CDK16: variants seen among roughly 807,000 people sequenced by gnomAD.
CDK16 encodes the protein cyclin-dependent kinase 16.
CDK16 carries 2 observed loss-of-function variants against 41.6 expected under a neutral mutation model. The observed-to-expected ratio is 0.05, with a 90% CI of 0.02 to 0.15. The LOEUF (loss-of-function observed/expected upper bound fraction) is 0.15. CDK16 is among the 10% of genes least tolerant of loss of function. The probability of loss-of-function intolerance (pLI) is 1.00; values close to 1 mark genes in which losing one functional copy is unlikely to be tolerated. For missense variants in CDK16, 228 were observed against 428.9 expected, an observed-to-expected ratio of 0.53 and a Z score of 4.14; for synonymous variants, 169 against 169.7, an observed-to-expected ratio of 1.00 and a Z score of 0.03.
At chrX:47,221,520 C>T (rs147728809) in intron 1 of CDK16, among the ~76,000 whole-genome samples, 254 of 111,023 alleles carry the variant, frequency 2.3e-3, no homozygotes, top group African/African-American at 7.3e-3. Context: ...AGTTAGAGGT[C>T]GTGGACCCAT....
Position 47,226,305 on chromosome X carries a change from C to T in CDK16, c.819C>T (p.Gly273=), listed in dbSNP as rs757336631. 4.1e-6 allele frequency: 5 copies of T among 1,208,555 alleles called. No individual in the cohort carries two copies. Among genetic ancestry groups the T allele is most frequent in the Non-Finnish European group, 5.6e-6 (5 of 894,610 alleles). The change falls in exon 9 of 16, where the codon GGC becomes GGT. Residue 273 remains glycine (G), a synonymous_variant. Coordinates refer to ENST00000357227, the MANE Select transcript of CDK16 (RefSeq NM_006201.5). The part of the protein sequence containing the change: ...VKLFLFQLLR[G]LAYCHRQKVL... Reference sequence around the variant, plus strand: ...TGTTCCTGTTCCAGCTGCTCCGTGGCCTGGCCTACTGCCACCGGCAGAAGG... The same window carrying T: ...TGTTCCTGTTCCAGCTGCTCCGTGGTCTGGCCTACTGCCACCGGCAGAAGG...
chrX:47,219,071 C>T lies in CDK16; in HGVS notation c.-41C>T. 2 of 819,037 alleles carry T rather than the reference C, an allele frequency of 2.4e-6. No homozygotes were observed. Among genetic ancestry groups the T allele is most frequent in the South Asian group, 3.9e-5 (1 of 25,405 alleles). The allele number at this position is 819,037 out of a possible 1,213,427, so 67.5% of individuals were successfully genotyped here. A position where few individuals can be genotyped will look rare whatever the true frequency, so the allele number is the denominator to read the frequency against. On this transcript the variant is annotated 5_prime_UTR_variant, in exon 1 of 16. Coordinates refer to ENST00000357227, the MANE Select transcript of CDK16 (RefSeq NM_006201.5). ...CCGCCCCAGGCGCCGCCGCGCCGGC[C>T]CCGCGGCTCTGAGGTTGCTCGCGCG...
chrX:47,228,960 T>TG lies in CDK16; in HGVS notation c.*195dup. On this transcript the variant is annotated 3_prime_UTR_variant, in exon 16 of 16. Coordinates refer to ENST00000357227, the MANE Select transcript of CDK16 (RefSeq NM_006201.5). ...TCAACCCACCCATTGGCCTGTCTGC[T>TG]GGGTGCTAACAAAGCTCTCATCACT... 4 of 511,838 alleles carry TG rather than the reference T, an allele frequency of 7.8e-6. No individual in the cohort carries two copies. In the East Asian group the frequency reaches 1.4e-4, roughly 19 times the overall value. The allele number at this position is 511,838 out of a possible 1,213,427, so 42.2% of individuals were successfully genotyped here.
At chrX:47,223,917 G>A (rs186090617) in intron 2 of CDK16, among the ~76,000 whole-genome samples, 158 bp downstream of exon 2, 5 of 107,840 alleles carry the variant, frequency 4.6e-5, no homozygotes, top group East Asian at 2.9e-4. Flanking sequence ...TCTCAACACC[G>A]TCTGTCTATC....
Position 47,228,757 on chromosome X carries a change from ACCGAGTTCTAAG to A in CDK16, c.1483_*3del. The A allele has an allele frequency of 8.3e-7, 1 of 1,209,778 alleles. No individual in the cohort carries two copies. The highest frequency in any genetic ancestry group is 1.1e-6 in the Non-Finnish European group (1 of 894,462). On this transcript the variant is annotated stop_lost and 3_prime_UTR_variant, in exon 16 of 16. Coordinates refer to ENST00000357227, the MANE Select transcript of CDK16 (RefSeq NM_006201.5). ...CAGGCCAGCTTTCCGCGTGGTGGAC[ACCGAGTTCTAAG>A]CCACAGACCGAGGCCCCAGCAGGCA...
intron 1 of CDK16, chrX:47,222,898 C>T: frequency 4.7e-6 from 2 of 422,182 alleles, no homozygotes; most frequent in South Asian, 7.2e-5. Context: ...CCCCCCCGCC[C>T]TCCACACAAT....
In CDK16 at chrX:47,226,692, G is replaced by T. The variant is rs756045986; in HGVS notation, c.1026G>T (p.Gln342His). The change falls in exon 10 of 16, where the codon CAG becomes CAT. Residue 342 changes from glutamine to histidine, a missense_variant. Around this residue, in one of 3 missense-constraint regions of CDK16, gnomAD observed 66 missense variants for 197.2 expected, o/e 0.33. Transcript: ENST00000357227. ...TTGGGTCCACGGACTACTCCACTCA[G>T]ATTGACATGTGGTAAGGACAGGTGG... Reference protein sequence around the residue: ...ILLGSTDYSTQIDMWGVGCIF... With the variant: ...ILLGSTDYSTHIDMWGVGCIF... 1 of 1,209,318 alleles carries T rather than the reference G, an allele frequency of 8.3e-7. No individual in the cohort carries two copies. The highest frequency in any genetic ancestry group is 1.7e-5 in the African/African-American group (1 of 57,409).
intron 6 of CDK16, among the ~76,000 whole-genome samples, 165 bp from the exon 7 acceptor site, chrX:47,225,607 T>G (rs1937528607): frequency 9.0e-6 from 1 of 111,635 alleles, no homozygotes; most frequent in South Asian, 3.7e-4. Flanking sequence ...CACAACTTTC[T>G]TCTGGCATGA....
rs1602668849 is a variant in CDK16, at chrX:47,218,743, G to A, written c.-369G>A. The A allele has an allele frequency of 1.0e-5, 12 of 1,160,549 alleles. No individual in the cohort carries two copies. In the East Asian group the frequency reaches 3.9e-4, roughly 38 times the overall value. The stretch of plus-strand genomic sequence containing the variant: ...GGAGCGCGGCGCGCGCGGCGGTTGG[G>A]CCGTTGGCTGTTCGGCCCTGGGATC... On this transcript the variant is annotated 5_prime_UTR_variant, in exon 1 of 16. Transcript: ENST00000357227.
At position 47,218,783 on chromosome X, in the gene CDK16, G is replaced by A; in HGVS notation, c.-329G>A. 1 of 1,153,943 alleles carries A rather than the reference G, an allele frequency of 8.7e-7. No individual in the cohort carries two copies. The highest frequency in any genetic ancestry group is 1.8e-5 in the African/African-American group (1 of 56,060). The stretch of plus-strand genomic sequence containing the variant: ...GCCCTGGGATCCGCCGCCACTCCGC[G>A]ATCAGACCGCTCTGTGCCGCGAGCC... On this transcript the variant is annotated 5_prime_UTR_variant, in exon 1 of 16. Coordinates refer to ENST00000357227, the MANE Select transcript of CDK16 (RefSeq NM_006201.5).
chrX:47,223,402 ACTC>A (rs1937432077), intron 1 of CDK16, 147 bp from the exon 2 acceptor site: 1 of 1,011,525 alleles, frequency 9.9e-7, no homozygotes, highest in Non-Finnish European at 1.3e-6. Context: ...GGTTTCCAGA[ACTC>A]CTGAGTGGCT....
intron 8 of CDK16, 86 bp from the exon 9 acceptor site, chrX:47,226,193 T>G: frequency 8.6e-7 from 1 of 1,169,314 alleles, no homozygotes; most frequent in Non-Finnish European, 1.2e-6. Context: ...GGGCCTAGTG[T>G]CTGTGTTTGG....
At position 47,229,041 on chromosome X, in the gene CDK16, G is replaced by A. The variant is rs73630266; in HGVS notation, c.*273G>A. The A allele has an allele frequency of 0.011, 4,865 of 438,806 alleles. 200 individuals are homozygous for A. Among genetic ancestry groups the A allele is most frequent in the African/African-American group, 0.1 (4,273 of 40,934 alleles). 36.2% of individuals were successfully genotyped at this position (438,806 alleles called of 1,213,427 possible). A position where few individuals can be genotyped will look rare whatever the true frequency, so the allele number is the denominator to read the frequency against. On this transcript the variant is annotated 3_prime_UTR_variant, in exon 16 of 16. Coordinates refer to ENST00000357227, the MANE Select transcript of CDK16 (RefSeq NM_006201.5). Reference sequence around the variant, plus strand: ...GTAGTTGCCGGTGGACAGCATGGCCGTGCCAGCCTCCCACACTGAGGCCAG... The same window carrying A: ...GTAGTTGCCGGTGGACAGCATGGCCATGCCAGCCTCCCACACTGAGGCCAG...
intron 1 of CDK16, among the ~76,000 whole-genome samples, chrX:47,220,504 T>G (rs1285439866): frequency 9.2e-6 from 1 of 109,011 alleles, no homozygotes; most frequent in Non-Finnish European, 1.9e-5. Flanking sequence ...CAGGGCTGAA[T>G]GAGACCTGTG....
chrX:47,220,191 T>A lies in CDK16; in HGVS notation c.-7+1086T>A, dbSNP rs1937278019. ...TGTGCCATTTCGAGAGTCAGCTGTG[T>A]GAAGTCTGGAATATGCTAATAAGCA... On this transcript the variant is annotated intron_variant, in intron 1 of 15. Coordinates refer to ENST00000357227, the MANE Select transcript of CDK16 (RefSeq NM_006201.5). Among the ~76,000 whole-genome samples the A allele has an allele frequency of 2.7e-5, 3 of 109,496 alleles. No individual in the cohort carries two copies. In the Admixed American group the frequency reaches 2.9e-4, roughly 11 times the overall value.
chrX:47,227,038 G>C lies in CDK16; in HGVS notation c.1180G>C (p.Glu394Gln). 3 of 1,212,062 alleles carry C rather than the reference G, an allele frequency of 2.5e-6. No individual in the cohort carries two copies. The highest frequency in any genetic ancestry group is 2.2e-6 in the Non-Finnish European group (2 of 895,531). Reference sequence around the variant, plus strand: ...GTGGCCAGGCATCCTGTCCAACGAGGAGTTCAAGACATACAACTACCCCAA... The same window carrying C: ...GTGGCCAGGCATCCTGTCCAACGAGCAGTTCAAGACATACAACTACCCCAA... ...ETWPGILSNE[E>Q]FKTYNYPKYR... The change falls in exon 12 of 16, where the codon GAG (glutamate) becomes CAG (glutamine). Residue 394 changes from glutamate (E) to glutamine (Q), a missense_variant. Physicochemically the swap from Glu to Gln is conservative, Grantham distance 29 (BLOSUM62 2). This residue lies in a region of CDK16 where 91 missense variants were observed against 129.5 expected (regional missense o/e 0.70). Coordinates refer to ENST00000357227, the MANE Select transcript of CDK16 (RefSeq NM_006201.5).
Position 47,225,995 on chromosome X carries a change from T to A in CDK16, c.760T>A (p.Cys254Ser). The A allele has an allele frequency of 8.3e-7, 1 of 1,202,863 alleles. No homozygotes were observed. Among genetic ancestry groups the A allele is most frequent in the Non-Finnish European group, 1.1e-6 (1 of 890,555 alleles). ...GGACCTGAAGCAGTACCTGGATGAC[T>A]GTGGGAACATCATCAACATGCACAA... The part of the protein sequence containing the change: ...DKDLKQYLDD[C>S]GNIINMHNVK... Residue 254 changes from cysteine to serine, a missense_variant, in exon 8 of 16, where the codon TGT becomes AGT. By Grantham distance (112) the Cys-to-Ser change is moderately radical (BLOSUM62 -1). Transcript: ENST00000357227.
intron 1 of CDK16, 31 bp downstream of exon 1, chrX:47,219,136 CCCT>C (rs1937216389): frequency 7.5e-6 from 6 of 797,865 alleles, no homozygotes; most frequent in Non-Finnish European, 7.5e-6. Flanking sequence ...TGGAGGCTGC[CCCT>C]CCTCCTTCAG....
At chrX:47,218,676 C>G (rs1310452070), upstream of CDK16, 2 of 1,165,959 alleles carry the variant, frequency 1.7e-6, no homozygotes, top group Non-Finnish European at 1.1e-6. Flanking sequence ...TGAGTCCCCT[C>G]CTTTCCACTT....
Sources: gnomAD v4.1 joint callset for allele counts (sites outside exome capture counted in the v4.1 genomes callset) on GRCh38, gnomAD v4.1.1 for gene constraint, gnomAD v4.1.1 regional missense constraint, MANE v1.5 for transcripts, NCBI Gene and HGNC (gene_info 2026-07-23, HGNC 2026-07-21) for gene names.